The following SUGCT variants were observed in gnomAD, a reference collection of about 807,000 sequenced individuals.
SUGCT encodes the protein succinyl-CoA:glutarate-CoA transferase, also known as succinyl-CoA:glutarate CoA-transferase.
A neutral mutation model predicts 55.0 loss-of-function variants in SUGCT; 41 were observed. The ratio of observed to expected loss-of-function variants is 0.74; its 90% CI spans 0.58 to 0.97. The LOEUF is 0.97. Ranked by LOEUF, SUGCT falls within the 50% of genes least tolerant of loss-of-function variation. The pLI is 0.00. For missense variants in SUGCT, 568 were observed against 547.8 expected (o/e 1.04, Z -0.37); for synonymous variants, 187 against 200.4 (o/e 0.93, Z 0.56).
the SUGCT span, among the ~76,000 whole-genome samples, chr7:40,870,764 G>T: frequency 3.3e-5 from 5 of 151,938 alleles, no homozygotes; most frequent in Admixed American, 3.3e-4. Flanking sequence ...TGTAAGAGTT[G>T]CCCGTTCTCC....
At chr7:40,168,894 C>A (rs1211886969) in intron 1 of SUGCT, among the ~76,000 whole-genome samples, 1 of 152,062 alleles carries the variant, frequency 6.6e-6, no homozygotes, top group Non-Finnish European at 1.5e-5. Context: ...TCCCGCCTTG[C>A]GGATCTTTTG....
At chr7:40,686,199 G>A (rs1402900201) in intron 12 of SUGCT, among the ~76,000 whole-genome samples, 1 of 151,956 alleles carries the variant, frequency 6.6e-6, no homozygotes, top group African/African-American at 2.4e-5. Context: ...TCATGTTTGA[G>A]GCAGTAAGAT....
chr7:40,851,440 A>G (rs1357608231), intron 13 of SUGCT, among the ~76,000 whole-genome samples: 1 of 152,222 alleles, frequency 6.6e-6, no homozygotes, highest in African/African-American at 2.4e-5. Context: ...ATGTTATAAT[A>G]TATAATTTAG....
At chr7:40,493,577 A>G (rs1368130285) in intron 11 of SUGCT, among the ~76,000 whole-genome samples, 1 of 152,240 alleles carries the variant, frequency 6.6e-6, no homozygotes, top group Non-Finnish European at 1.5e-5. Flanking sequence ...GTGAATTTAC[A>G]AAAATCTAGA....
intron 13 of SUGCT, among the ~76,000 whole-genome samples, chr7:40,854,524 T>C (rs1019960011): frequency 2.0e-5 from 3 of 151,558 alleles, no homozygotes; most frequent in African/African-American, 7.3e-5. Context: ...CTTCTATATT[T>C]TACTGCAGTC....
chr7:40,699,186 A>T (rs1785067332), intron 12 of SUGCT, among the ~76,000 whole-genome samples: 1 of 152,188 alleles, frequency 6.6e-6, no homozygotes, highest in South Asian at 2.1e-4. Context: ...AGATATGGCA[A>T]CATGTCCTCA....
the SUGCT span, among the ~76,000 whole-genome samples, chr7:40,922,429 G>A: frequency 6.6e-6 from 1 of 152,170 alleles, no homozygotes; most frequent in African/African-American, 2.4e-5. Flanking sequence ...GGTGGCTCTT[G>A]CAGTCTGCCT....
chr7:40,598,211 G>A (rs1190319212), intron 12 of SUGCT, among the ~76,000 whole-genome samples: 3 of 152,144 alleles, frequency 2.0e-5, no homozygotes, highest in Non-Finnish European at 4.4e-5. Flanking sequence ...CAGTGTGAAA[G>A]GGTAACTGAA....
rs140446595 is a variant in SUGCT, at chr7:40,822,034, T to G, written c.1154-38282T>G. On this transcript the variant is annotated intron_variant, in intron 13 of 13. Coordinates refer to ENST00000335693, the MANE Select transcript of SUGCT (RefSeq NM_001193313.2). ...ATTTCATTATGTACCCAGTAGTCAT[T>G]CAGGAGCAGATTGTTCAGTTTCCAT... Among the ~76,000 whole-genome samples the G allele has an allele frequency of 2.9e-3, 439 of 152,356 alleles. 3 individuals carry two copies. The highest frequency in any genetic ancestry group is 0.01 in the African/African-American group (418 of 41,588).
At chr7:40,138,577 T>G (rs1348858585) in intron 1 of SUGCT, among the ~76,000 whole-genome samples, 1 of 152,350 alleles carries the variant, frequency 6.6e-6, no homozygotes, top group East Asian at 1.9e-4. Flanking sequence ...TCCATACTGT[T>G]TTCCATAGAA....
At chr7:40,234,275 G>T (rs1425284712) in intron 6 of SUGCT, among the ~76,000 whole-genome samples, 1 of 152,174 alleles carries the variant, frequency 6.6e-6, no homozygotes, top group Non-Finnish European at 1.5e-5. Flanking sequence ...CAGTGCACAG[G>T]CCTTCCTGCC....
chr7:40,259,315 T>A (rs1213590897), intron 7 of SUGCT, among the ~76,000 whole-genome samples: 1 of 152,176 alleles, frequency 6.6e-6, no homozygotes, highest in African/African-American at 2.4e-5. Context: ...CCCACTTACA[T>A]GTGGAGTTTT....
At chr7:40,242,933 A>ATATATAGATATATTTTTTTTTT (rs1270335224) in intron 7 of SUGCT, among the ~76,000 whole-genome samples, 1 of 17,204 alleles carries the variant, frequency 5.8e-5, no homozygotes, top group Non-Finnish European at 1.2e-4. Context: ...ATATATATAT[A>ATATATAGATATATTTTTTTTTT]TTTTTTTTTT....
chr7:40,980,579 GT>G, the SUGCT span, among the ~76,000 whole-genome samples: 1 of 152,132 alleles, frequency 6.6e-6, no homozygotes, highest in Non-Finnish European at 1.5e-5. Context: ...CAAGTTGTAT[GT>G]TTCCAAAATA....
intron 9 of SUGCT, among the ~76,000 whole-genome samples, chr7:40,352,834 G>A (rs1797703758): frequency 6.6e-6 from 1 of 152,102 alleles, no homozygotes; most frequent in Admixed American, 6.6e-5. Flanking sequence ...TCTGTTTTGT[G>A]TTCTTTGAGA....
chr7:40,565,553 A>T (rs1796082878), intron 12 of SUGCT, among the ~76,000 whole-genome samples: 2 of 152,132 alleles, frequency 1.3e-5, no homozygotes, highest in South Asian at 4.1e-4. Context: ...TTTACTTTAG[A>T]TGGAAACCCT....
the SUGCT span, among the ~76,000 whole-genome samples, chr7:40,985,607 G>A: frequency 3.3e-3 from 495 of 152,288 alleles, 3 homozygotes; most frequent in African/African-American, 0.011. Flanking sequence ...TGCAAGTTTT[G>A]GGACATATGA....
At chr7:40,541,027 C>A (rs1794645813) in intron 12 of SUGCT, among the ~76,000 whole-genome samples, 1 of 151,898 alleles carries the variant, frequency 6.6e-6, no homozygotes, top group Non-Finnish European at 1.5e-5. Context: ...ACAGTGAGTG[C>A]AAAAATGAAG....
chr7:40,189,398 C>CTTTTTTTTTTTTTTTTTTTTTT (rs771275549), intron 4 of SUGCT, 146 bp from the exon 5 acceptor site: 13 of 143,876 alleles, frequency 9.0e-5, no homozygotes, highest in African/African-American at 3.4e-4. Context: ...AATACACATA[C>CTTTTTTTTTTTTTTTTTTTTTT]TTTTTTTTTT....
Sources: allele counts gnomAD v4.1 joint callset (sites outside exome capture counted in the v4.1 genomes callset), GRCh38; gene constraint gnomAD v4.1.1; transcripts MANE v1.5; gene names NCBI Gene and HGNC (gene_info 2026-07-23, HGNC 2026-07-21).